TBCD: variants seen among roughly 807,000 people sequenced by gnomAD.
TBCD encodes the protein tubulin-specific chaperone D.
A neutral mutation model predicts 169.3 loss-of-function variants in TBCD; 105 were observed. The observed-to-expected ratio is 0.62, with a 90% confidence interval of 0.53 to 0.73. TBCD has a LOEUF of 0.73. Among genes scored for constraint, TBCD ranks in the 30% least tolerant of loss-of-function variants. The probability of loss-of-function intolerance (pLI) is 0.00; values close to 1 mark genes in which losing one functional copy is unlikely to be tolerated. For missense variants in TBCD, 1,444 were observed against 1,600.1 expected (o/e 0.90, Z 1.66); for synonymous variants, 700 against 643.9 (o/e 1.09, Z -1.32).
In TBCD at chr17:82,889,880, A is replaced by G. The variant is rs1164762279; in HGVS notation, c.1563+183A>G. Among the ~76,000 whole-genome samples, 3 of 152,234 alleles carry G rather than the reference A, an allele frequency of 2.0e-5. No individual in the cohort carries two copies. In the East Asian group the frequency reaches 5.8e-4, roughly 29 times the overall value. On this transcript the variant is annotated intron_variant, in intron 16 of 38. Transcript: ENST00000355528. The surrounding 1 kb of genome is among the most constrained non-coding windows in gnomAD (Gnocchi z 5.3). ...AACAGCGAGTCCTGTTTCACAGGGA[A>G]CCTGCATGTACAGTAATTTACACAC...
chr17:82,800,869 A>G lies in TBCD; in HGVS notation c.823A>G (p.Thr275Ala). The G allele has an allele frequency of 6.2e-7, 1 of 1,612,214 alleles. No individual in the cohort carries two copies. The highest frequency in any genetic ancestry group is 8.5e-7 in the Non-Finnish European group (1 of 1,179,384). The stretch of plus-strand genomic sequence containing the variant: ...AGTCCAGTTCTTGTTTGCAGCTGCC[A>G]CTGTCCTCAGGTGCCTCGATGGCTG... ...KREDCLPYAA[T>A]VLRCLDGCRL... The change falls in exon 9 of 39, where the codon ACT becomes GCT. Residue 275 changes from threonine to alanine, a missense_variant. Transcript: ENST00000355528.
intron 20 of TBCD, 39 bp from the exon 21 acceptor site, chr17:82,907,722 G>C: frequency 3.1e-6 from 5 of 1,611,484 alleles, no homozygotes; most frequent in Non-Finnish European, 4.2e-6. Flanking sequence ...TTAGGGTCTT[G>C]GGGAGTGTGA....
intron 13 of TBCD, among the ~76,000 whole-genome samples, chr17:82,868,952 C>T (rs1351073422): frequency 6.6e-6 from 1 of 151,586 alleles, no homozygotes; most frequent in Non-Finnish European, 1.5e-5. Flanking sequence ...GTGCGTGGAG[C>T]GGGTCGTGTG....
intron 15 of TBCD, chr17:82,886,413 A>C (rs1315142872): frequency 6.6e-6 from 1 of 151,646 alleles, no homozygotes; most frequent in East Asian, 2.0e-4. Context: ...CCCGGCGGGG[A>C]AGGAATGGGC....
Position 82,884,342 on chromosome 17 carries a change from C to A in TBCD, c.1533+140C>A. 1.3e-6 allele frequency: 1 copy of A among 788,108 alleles called. No homozygotes were observed. Among genetic ancestry groups the A allele is most frequent in the South Asian group, 1.5e-5 (1 of 65,372 alleles). The allele number at this position is 788,108 out of a possible 1,614,324, so 48.8% of individuals were successfully genotyped here. ...GCGAGGGAGCTGCTGAGAGTGCCAGCTGCGGGCAGGCCACTGGTTCTTACT... is the reference window on the plus strand; with the variant it reads ...GCGAGGGAGCTGCTGAGAGTGCCAGATGCGGGCAGGCCACTGGTTCTTACT... On this transcript the variant is annotated intron_variant, in intron 15 of 38. Transcript: ENST00000355528. The surrounding 1 kb of genome is among the most constrained non-coding windows in gnomAD (Gnocchi z 4.2).
chr17:82,787,758 G>A (rs1032300674), intron 7 of TBCD, among the ~76,000 whole-genome samples: 3 of 152,200 alleles, frequency 2.0e-5, no homozygotes, highest in Admixed American at 1.3e-4. Flanking sequence ...CATTTCCCTC[G>A]AAGCGTAGTT....
intron 15 of TBCD, among the ~76,000 whole-genome samples, chr17:82,887,168 T>TGTGTGTGTGTGTGTGTGTGTGC: frequency 1.6e-5 from 2 of 126,194 alleles, no homozygotes; most frequent in African/African-American, 6.6e-5. Context: ...TGTGTGTGTG[T>TGTGTGTGTGTGTGTGTGTGTGC]GCGCGCGCGC....
rs1352698090 is a variant in TBCD at position 82,756,231 on chromosome 17, G to A, written c.235+16G>A. 1.9e-6 allele frequency: 3 copies of A among 1,603,906 alleles called. No homozygotes were observed. The highest frequency in any genetic ancestry group is 2.2e-5 in the East Asian group (1 of 44,572). ...CCGCACCTTGGTAAGAATAGAAGCT[G>A]CTGATTTTGATCATTCAGTTACAGA... On this transcript the variant is annotated intron_variant, in intron 2 of 38. Coordinates refer to ENST00000355528, the MANE Select transcript of TBCD (RefSeq NM_005993.5).
In TBCD at chr17:82,766,353, T is replaced by G. The variant is rs2048014109; in HGVS notation, c.420T>G (p.Asn140Lys). The change falls in exon 4 of 39, where the codon AAT (asparagine) becomes AAG (lysine). Residue 140 changes from asparagine to lysine, a missense_variant. Transcript: ENST00000355528. ...TTTTAGATTTGGTCACAATTCAGAA[T>G]CCCAAGGACCATGAAGTGAGTGTCT... The part of the protein sequence containing the change: ...EPVLDLVTIQ[N>K]PKDHEAWETR... The G allele has an allele frequency of 1.2e-6, 2 of 1,612,318 alleles. No homozygotes were observed. The highest frequency in any genetic ancestry group is 1.7e-6 in the Non-Finnish European group (2 of 1,179,194).
intron 13 of TBCD, among the ~76,000 whole-genome samples, chr17:82,857,263 G>C (rs2056390196): frequency 6.6e-6 from 1 of 152,184 alleles, no homozygotes; most frequent in African/African-American, 2.4e-5. Flanking sequence ...TATTTCTCTG[G>C]ATAAATGTCT....
chr17:82,841,967 C>T (rs992989470), intron 13 of TBCD, among the ~76,000 whole-genome samples: 1 of 152,234 alleles, frequency 6.6e-6, no homozygotes, highest in Non-Finnish European at 1.5e-5. Context: ...CTCAGGACTT[C>T]AAGAGAGCAA....
At position 82,820,127 on chromosome 17, in the gene TBCD, G is replaced by A. The variant is rs554870876; in HGVS notation, c.1318+5193G>A. ...CCGAGTAGCTGGGAGTCAGGCGCCC[G>A]CCACCATGCCCAGCCAATTTTTTTA... On this transcript the variant is annotated intron_variant, in intron 13 of 38. Coordinates refer to ENST00000355528, the MANE Select transcript of TBCD (RefSeq NM_005993.5). 7.6e-4 allele frequency among the ~76,000 whole-genome samples: 115 copies of A among 151,978 alleles called. 1 individual carries two copies. The South Asian group carries it at 0.021, about 28-fold the overall frequency.
intron 17 of TBCD, among the ~76,000 whole-genome samples, chr17:82,899,363 C>CGTCCTCAGCGT (rs1442389024): frequency 2.0e-5 from 3 of 150,158 alleles, no homozygotes; most frequent in Non-Finnish European, 4.4e-5. Context: ...GTCCGCAGTG[C>CGTCCTCAGCGT]GTCCTCAGCG....
In TBCD at chr17:82,880,772, C is replaced by T. The variant is rs978697026; in HGVS notation, c.1476-3373C>T. Among the ~76,000 whole-genome samples the T allele has an allele frequency of 3.3e-5, 5 of 152,308 alleles. No individual in the cohort carries two copies. Among genetic ancestry groups the T allele is most frequent in the Middle Eastern group, 3.4e-3 (1 of 294 alleles). ...AGCAGGAGGGGCTGGGCGGGGAGGA[C>T]GCAGGGTCTGTCGGAGCATAGCAGT... On this transcript the variant is annotated intron_variant, in intron 14 of 38. Transcript: ENST00000355528. The surrounding 1 kb of genome is among the most constrained non-coding windows in gnomAD (Gnocchi z 5.0).
chr17:82,929,323 C>G (rs1219245763), intron 31 of TBCD, 39 bp from the exon 32 acceptor site: 1 of 1,609,772 alleles, frequency 6.2e-7, no homozygotes, highest in Non-Finnish European at 8.5e-7. Flanking sequence ...ATGGCGAGAT[C>G]ATTGGCAGCC....
intron 13 of TBCD, among the ~76,000 whole-genome samples, chr17:82,828,219 A>G (rs1567845089): frequency 6.8e-6 from 1 of 146,818 alleles, no homozygotes; most frequent in African/African-American, 2.5e-5. Flanking sequence ...GGACACCCAC[A>G]CGATTGAATG....
rs368612332 is a variant in TBCD at position 82,870,403 on chromosome 17, A to C, written c.1475+23A>C. Reference sequence around the variant, plus strand: ...GAGGTAGGCCCATTCGTCGAGGTACATCGGATGCGCCGTGCCCCCTGACGG... The same window carrying C: ...GAGGTAGGCCCATTCGTCGAGGTACCTCGGATGCGCCGTGCCCCCTGACGG... On this transcript the variant is annotated intron_variant, in intron 14 of 38. Transcript: ENST00000355528. 1.9e-6 allele frequency: 3 copies of C among 1,607,682 alleles called. No homozygotes were observed. The Admixed American group carries it at 5.0e-5, about 27-fold the overall frequency.
chr17:82,758,404 T>TAAAAAAAAA (rs1312618695), intron 2 of TBCD, among the ~76,000 whole-genome samples: 3 of 79,428 alleles, frequency 3.8e-5, no homozygotes, highest in Non-Finnish European at 4.7e-5. Context: ...AAAAAAAAAA[T>TAAAAAAAAA]AAATAAATAA....
At position 82,874,664 on chromosome 17, in the gene TBCD, G is replaced by C. The variant is rs1270384884; in HGVS notation, c.1475+4284G>C. Among the ~76,000 whole-genome samples, 2 of 152,160 alleles carry C rather than the reference G, an allele frequency of 1.3e-5. No homozygotes were observed. Among genetic ancestry groups the C allele is most frequent in the Non-Finnish European group, 2.9e-5 (2 of 68,032 alleles). ...GCCCCATCCCTCCTTGGCCCACGCA[G>C]ACTCCAGGCATCCGGCCGGGCGGGC... On this transcript the variant is annotated intron_variant, in intron 14 of 38. Transcript: ENST00000355528. This position sits in a 1 kb window ranked among gnomAD's most constrained non-coding sequence, Gnocchi z 5.0.
Sources: gnomAD v4.1 joint callset for allele counts (sites outside exome capture counted in the v4.1 genomes callset) on GRCh38, gnomAD v4.1.1 for gene constraint, Gnocchi (gnomAD v3.1) non-coding constraint, MANE v1.5 for transcripts, NCBI Gene and HGNC (gene_info 2026-07-23, HGNC 2026-07-21) for gene names.